The following SPTB variants were observed in gnomAD, a reference collection of about 807,000 sequenced individuals.
The protein encoded by SPTB is spectrin beta, erythrocytic, also known as spectrin beta chain, erythrocytic.
SPTB carries 45 observed loss-of-function variants against 256.2 expected under a neutral mutation model. That is an observed-to-expected ratio of 0.18 (90% CI 0.14 to 0.23). The LOEUF is 0.23. Ranked by LOEUF, SPTB falls within the 10% of genes least tolerant of loss-of-function variation. The pLI, the probability that SPTB is intolerant of heterozygous loss-of-function variation, is 1.00. For missense variants in SPTB, 2,715 were observed against 3,040.4 expected, an observed-to-expected ratio of 0.89 and a Z score of 2.52; for synonymous variants, 1,231 against 1,243.1, an observed-to-expected ratio of 0.99 and a Z score of 0.21.
rs886050616 is a variant in SPTB at position 64,774,385 on chromosome 14, G to A, written c.4973+12C>T. ...CATCTCCTGACCGAGTCACCACAGG[G>A]GGCGCACGCACCCCTCAGGGTGGCC... is the stretch of plus-strand genomic sequence containing the variant. On this transcript the variant is annotated intron_variant, in intron 24 of 35. Transcript: ENST00000644917. 5 of 1,585,182 alleles carry A rather than the reference G, an allele frequency of 3.2e-6. No individual in the cohort carries two copies. Among genetic ancestry groups the A allele is most frequent in the Non-Finnish European group, 4.3e-6 (5 of 1,166,702 alleles).
Position 64,823,020 on chromosome 14 carries a change from G to T in SPTB, c.75C>A (p.Ala25=). Residue 25 remains alanine, a synonymous_variant, in exon 2 of 36, where the codon GCC becomes GCA. Transcript: ENST00000644917. This position sits in a 1 kb window ranked among gnomAD's most constrained non-coding sequence, Gnocchi z 6.5. Reference sequence around the variant, plus strand: ...TGTCATTATCCAGCTCGTCGTCTGGGGCGTCCCAGCGGGCATTGATCCTGC... The same window carrying T: ...TGTCATTATCCAGCTCGTCGTCTGGTGCGTCCCAGCGGGCATTGATCCTGC... The part of the protein sequence containing the change: ...PYSRINARWD[A]PDDELDNDNS... 1 of 1,614,130 alleles carries T rather than the reference G, an allele frequency of 6.2e-7. No homozygotes were observed. The highest frequency in any genetic ancestry group is 8.5e-7 in the Non-Finnish European group (1 of 1,180,036).
At position 64,774,425 on chromosome 14, in the gene SPTB, C is replaced by T; in HGVS notation, c.4945G>A (p.Gly1649Ser). The T allele has an allele frequency of 6.3e-7, 1 of 1,579,580 alleles. No homozygotes were observed. Among genetic ancestry groups the T allele is most frequent in the Non-Finnish European group, 8.6e-7 (1 of 1,162,948 alleles). ...TCAGGGTGGCCTGCAGACAGCAGGC[C>T]CTGGGCCCGGCTGGCCAGCTGCTTG... ...NIKQLASRAQ[G>S]LLSAGHPEGE... is the part of the protein sequence containing the mutation. Residue 1649 changes from glycine to serine, a missense_variant, in exon 24 of 36, where the codon GGC becomes AGC. Physicochemically the swap from Gly to Ser is moderately conservative, Grantham distance 56. Around this residue, in one of 4 missense-constraint regions of SPTB, gnomAD observed 2,239 missense variants for 2,384.4 expected, o/e 0.94. Transcript: ENST00000644917.
chr14:64,824,344 C>A lies in SPTB; in HGVS notation c.-51-1199G>T, dbSNP rs1303363587. On this transcript the variant is annotated intron_variant, in intron 1 of 35. Coordinates refer to ENST00000644917, the MANE Select transcript of SPTB (RefSeq NM_001355436.2). The surrounding 1 kb of genome is among the most constrained non-coding windows in gnomAD (Gnocchi z 5.7). ...AAAGTCCTGAAGGTAAGAAAGAACA[C>A]AGAAAGCTTTGAGAACTTTAAGAAG... 4.6e-5 allele frequency among the ~76,000 whole-genome samples: 7 copies of A among 152,028 alleles called. No individual in the cohort carries two copies. Among genetic ancestry groups the A allele is most frequent in the African/African-American group, 1.7e-4 (7 of 41,380 alleles).
At position 64,762,826 on chromosome 14, in the gene SPTB, C is replaced by T. The variant is rs542015945; in HGVS notation, c.6345+3900G>A. 2.4e-4 allele frequency among the ~76,000 whole-genome samples: 36 copies of T among 152,306 alleles called. No individual in the cohort carries two copies. In the South Asian group the frequency reaches 4.8e-3, roughly 20 times the overall value. On this transcript the variant is annotated intron_variant, in intron 32 of 35. Transcript: ENST00000644917. ...GGAGTGACCTGGCATCCCAGGGTCC[C>T]GTCTGCACTACAGCCTGGATCTAGC... is the stretch of plus-strand genomic sequence containing the variant.
At chr14:64,783,402 A>T (rs1025457419) in intron 19 of SPTB, among the ~76,000 whole-genome samples, 5 of 152,128 alleles carry the variant, frequency 3.3e-5, no homozygotes, top group African/African-American at 1.2e-4. Flanking sequence ...GGATTTCGCC[A>T]TGTTGGCTAG....
chr14:64,865,627 C>A (rs1237241706), intron 1 of SPTB, among the ~76,000 whole-genome samples: 11 of 152,318 alleles, frequency 7.2e-5, no homozygotes, highest in Middle Eastern at 6.8e-3. Context: ...CTACCATGCA[C>A]CCACTGGGCT....
At chr14:64,820,511 T>A (rs1193995135) in intron 2 of SPTB, among the ~76,000 whole-genome samples, 1 of 152,262 alleles carries the variant, frequency 6.6e-6, no homozygotes, top group East Asian at 1.9e-4. Flanking sequence ...GTTGGCCAGA[T>A]GTTCTGAATA....
intron 1 of SPTB, among the ~76,000 whole-genome samples, chr14:64,837,481 T>G (rs2083543031): frequency 6.6e-6 from 1 of 152,212 alleles, no homozygotes; most frequent in African/African-American, 2.4e-5. Context: ...GCCTAGGGAT[T>G]GGAAGAATCA....
At chr14:64,828,054 C>T (rs2083400319) in intron 1 of SPTB, among the ~76,000 whole-genome samples, 1 of 152,244 alleles carries the variant, frequency 6.6e-6, no homozygotes, top group Non-Finnish European at 1.5e-5. Context: ...TAGTGCATCA[C>T]TGATGGACTA....
intron 1 of SPTB, among the ~76,000 whole-genome samples, chr14:64,878,908 C>G (rs896420865): frequency 6.6e-6 from 1 of 152,126 alleles, no homozygotes; most frequent in Non-Finnish European, 1.5e-5. Flanking sequence ...TATTAATAGG[C>G]TGTAACTCAA....
rs759972947 is a variant in SPTB at position 64,749,270 on chromosome 14, G to A, written c.*36C>T. ...AAGGCCTGGGCTGCCCGGTCTCTGC[G>A]CGTCCCGACTCCGCCGCGCCCGCCA... is the stretch of plus-strand genomic sequence containing the variant. On this transcript the variant is annotated 3_prime_UTR_variant, in exon 36 of 36. Coordinates refer to ENST00000644917, the MANE Select transcript of SPTB (RefSeq NM_001355436.2). The surrounding 1 kb of genome is among the most constrained non-coding windows in gnomAD (Gnocchi z 4.7). 4 of 1,545,620 alleles carry A rather than the reference G, an allele frequency of 2.6e-6. No individual in the cohort carries two copies. Among genetic ancestry groups the A allele is most frequent in the East Asian group, 2.4e-5 (1 of 41,324 alleles).
In SPTB at chr14:64,751,927, C is replaced by CAAAA. The variant is rs374561563; in HGVS notation, c.6602+1606_6602+1609dup. 1.5e-4 allele frequency among the ~76,000 whole-genome samples: 11 copies of CAAAA among 71,950 alleles called. 1 individual carries two copies. In the South Asian group the frequency reaches 1.9e-3, roughly 12 times the overall value. 47.2% of individuals were successfully genotyped at this position (71,950 alleles called of 152,430 possible). On this transcript the variant is annotated intron_variant, in intron 33 of 35. Coordinates refer to ENST00000644917, the MANE Select transcript of SPTB (RefSeq NM_001355436.2). ...TGAAACCCCATTTCTACTAAAAATG[C>CAAAA]AAAAAAAAAAAAAAAAATTAGCCAG...
chr14:64,819,466 C>T (rs2269294), intron 2 of SPTB, among the ~76,000 whole-genome samples: 23 of 152,236 alleles, frequency 1.5e-4, no homozygotes, highest in East Asian at 1.9e-4. Context: ...ATCATCCTTA[C>T]GTTTCTTGGG....
At chr14:64,752,264 C>T (rs926366494) in intron 33 of SPTB, 2 of 1,344,340 alleles carry the variant, frequency 1.5e-6, no homozygotes, top group Non-Finnish European at 2.0e-6. Flanking sequence ...TTTCCTCCTC[C>T]TCTTCATCCT....
chr14:64,792,659 C>T lies in SPTB; in HGVS notation c.2666+338G>A, dbSNP rs1168507972. On this transcript the variant is annotated intron_variant, in intron 14 of 35. Coordinates refer to ENST00000644917, the MANE Select transcript of SPTB (RefSeq NM_001355436.2). The surrounding 1 kb of genome is among the most constrained non-coding windows in gnomAD (Gnocchi z 4.2). The stretch of plus-strand genomic sequence containing the variant: ...GCTGGCAGGGTCCTGGCCTCTCAAC[C>T]TCCTTCTCCAGAGTAGCTCCATTTT... 2.0e-5 allele frequency among the ~76,000 whole-genome samples: 3 copies of T among 152,204 alleles called. No homozygotes were observed. Among genetic ancestry groups the T allele is most frequent in the Admixed American group, 6.5e-5 (1 of 15,284 alleles).
At chr14:64,809,449 G>A (rs1017188651) in intron 2 of SPTB, among the ~76,000 whole-genome samples, 7 of 151,474 alleles carry the variant, frequency 4.6e-5, no homozygotes, top group East Asian at 2.0e-4. Context: ...GAGTTCAAGC[G>A]ATTCTCTTGC....
rs749720499 is a variant in SPTB at position 64,777,240 on chromosome 14, C to G, written c.4564-1837G>C. 6.6e-6 allele frequency among the ~76,000 whole-genome samples: 1 copy of G among 152,096 alleles called. No homozygotes were observed. The highest frequency in any genetic ancestry group is 1.5e-5 in the Non-Finnish European group (1 of 68,022). On this transcript the variant is annotated intron_variant, in intron 22 of 35. Transcript: ENST00000644917. This position sits in a 1 kb window ranked among gnomAD's most constrained non-coding sequence, Gnocchi z 4.5. ...GGACATGAGCTGGGACCGTCTGAGG[C>G]CACAGAGAGGGCCAGAAGAGCTGGA...
At chr14:64,763,420 A>G (rs1236096901) in intron 32 of SPTB, among the ~76,000 whole-genome samples, 1 of 152,108 alleles carries the variant, frequency 6.6e-6, no homozygotes, top group African/African-American at 2.4e-5. Flanking sequence ...CTTCTTTCCC[A>G]TCTCCCGTCT....
chr14:64,841,857 C>A lies in SPTB; in HGVS notation c.-51-18712G>T, dbSNP rs1002829256. Among the ~76,000 whole-genome samples, 1 of 152,122 alleles carries A rather than the reference C, an allele frequency of 6.6e-6. No individual in the cohort carries two copies. Among genetic ancestry groups the A allele is most frequent in the Non-Finnish European group, 1.5e-5 (1 of 68,028 alleles). On this transcript the variant is annotated intron_variant, in intron 1 of 35. Transcript: ENST00000644917. This position sits in a 1 kb window ranked among gnomAD's most constrained non-coding sequence, Gnocchi z 4.6. ...AGAAGAGGGTTTCTTGCAGAAGGTGCCCCAAGGTGTTGCAGTTTGATAACG... is the reference window on the plus strand; with the variant it reads ...AGAAGAGGGTTTCTTGCAGAAGGTGACCCAAGGTGTTGCAGTTTGATAACG...
Sources: allele counts gnomAD v4.1 joint callset (sites outside exome capture counted in the v4.1 genomes callset), GRCh38; gene constraint gnomAD v4.1.1; regional missense constraint gnomAD v4.1.1; non-coding constraint Gnocchi (gnomAD v3.1); transcripts MANE v1.5; gene names NCBI Gene and HGNC (gene_info 2026-07-23, HGNC 2026-07-21).